GPR149: variants seen among roughly 807,000 people sequenced by gnomAD.
GPR149 encodes G protein-coupled receptor 149, also known as probable G protein-coupled receptor 149.
GPR149 carries 50 observed loss-of-function variants against 50.2 expected under a neutral mutation model. The observed-to-expected ratio is 1.00, with a 90% confidence interval of 0.79 to 1.26. The LOEUF is 1.26. GPR149 is among the 50% of genes most tolerant of loss of function. GPR149 has a pLI of 0.00. For missense variants in GPR149, 983 were observed against 895.4 expected (o/e 1.10, Z -1.25); for synonymous variants, 405 against 358.2 (o/e 1.13, Z -1.48).
intron 3 of GPR149, among the ~76,000 whole-genome samples, chr3:154,390,461 T>C (rs1344409824): frequency 6.6e-6 from 1 of 151,400 alleles, no homozygotes; most frequent in East Asian, 1.9e-4. Context: ...AACAGCAGAC[T>C]AGATCAAACA....
At chr3:154,414,672 C>A (rs1229607895) in intron 3 of GPR149, among the ~76,000 whole-genome samples, 1 of 151,962 alleles carries the variant, frequency 6.6e-6, no homozygotes, top group African/African-American at 2.4e-5. Context: ...CATCATGTAC[C>A]TTTTGAGATG....
intron 3 of GPR149, among the ~76,000 whole-genome samples, chr3:154,403,109 T>C (rs1711590321): frequency 6.6e-6 from 1 of 152,200 alleles, no homozygotes; most frequent in Non-Finnish European, 1.5e-5. Flanking sequence ...CTTCTGTCTT[T>C]GGCCCTGTCT....
Position 154,410,159 on chromosome 3 carries a change from T to C in GPR149, c.1623+10880A>G, listed in dbSNP as rs182317754. Among the ~76,000 whole-genome samples, 324 of 152,166 alleles carry C rather than the reference T, an allele frequency of 2.1e-3. 1 individual carries two copies. The highest frequency in any genetic ancestry group is 7.2e-3 in the African/African-American group (297 of 41,508). On this transcript the variant is annotated intron_variant, in intron 3 of 3. Transcript: ENST00000389740. ...CCTCATAAATGAAGGAAAGACACAG[T>C]TTTTTTCAGACAAACAAATGCTGAG...
intron 3 of GPR149, among the ~76,000 whole-genome samples, chr3:154,415,479 T>A (rs1023178570): frequency 6.6e-6 from 1 of 151,942 alleles, no homozygotes; most frequent in African/African-American, 2.4e-5. Context: ...TGGATGAATT[T>A]TCAGCCACAC....
rs1352248660 is a variant in GPR149, at chr3:154,338,223, C to T, written c.1672G>A (p.Val558Met). 1 of 1,611,534 alleles carries T rather than the reference C, an allele frequency of 6.2e-7. No individual in the cohort carries two copies. The highest frequency in any genetic ancestry group is 1.7e-5 in the Admixed American group (1 of 59,534). The part of the protein sequence containing the change: ...AIPLCAFQGT[V>M]SLHAPTGKTL... ...TTCCCTGTAGGTGCATGGAGAGACA[C>T]AGTCCCCTGGAATGCACACAAGGGA... Residue 558 changes from valine to methionine, a missense_variant, in exon 4 of 4, where the codon GTG becomes ATG. By Grantham distance (21) the Val-to-Met change is conservative. Transcript: ENST00000389740.
At chr3:154,364,668 T>C (rs554242835) in intron 3 of GPR149, among the ~76,000 whole-genome samples, 2 of 152,206 alleles carry the variant, frequency 1.3e-5, no homozygotes, top group African/African-American at 4.8e-5. Context: ...GAAAACAACG[T>C]TGAATATCAA....
chr3:154,403,534 T>C (rs1371874644), intron 3 of GPR149, among the ~76,000 whole-genome samples: 1 of 152,178 alleles, frequency 6.6e-6, no homozygotes, highest in Non-Finnish European at 1.5e-5. Flanking sequence ...TGAAAGCATA[T>C]ATAGCTTTGT....
At chr3:154,395,833 T>G (rs539563954) in intron 3 of GPR149, among the ~76,000 whole-genome samples, 1 of 152,164 alleles carries the variant, frequency 6.6e-6, no homozygotes, top group Admixed American at 6.5e-5. Flanking sequence ...AAACCAAATG[T>G]GATTTCTTTA....
At chr3:154,368,058 G>A (rs952534570) in intron 3 of GPR149, among the ~76,000 whole-genome samples, 6 of 152,192 alleles carry the variant, frequency 3.9e-5, no homozygotes, top group African/African-American at 1.2e-4. Context: ...TTTGGACCCA[G>A]TTCCTACTCT....
At chr3:154,413,700 TTGG>T (rs1711905751) in intron 3 of GPR149, among the ~76,000 whole-genome samples, 1 of 151,866 alleles carries the variant, frequency 6.6e-6, no homozygotes, top group African/African-American at 2.4e-5. Flanking sequence ...TTTTACACTG[TTGG>T]TGGTAATGTA....
intron 3 of GPR149, among the ~76,000 whole-genome samples, chr3:154,389,312 A>G (rs1197976123): frequency 2.0e-5 from 3 of 152,056 alleles, no homozygotes; most frequent in Non-Finnish European, 4.4e-5. Context: ...TGTAAAACCA[A>G]CTACATGAAA....
At chr3:154,420,075 A>G (rs1712093996) in intron 3 of GPR149, among the ~76,000 whole-genome samples, 1 of 151,996 alleles carries the variant, frequency 6.6e-6, no homozygotes, top group East Asian at 1.9e-4. Context: ...GAAAATCTCA[A>G]ATTATTCTGC....
At position 154,423,507 on chromosome 3, in the gene GPR149, A is replaced by G. The variant is rs142327478; in HGVS notation, c.1175-2020T>C. 2.3e-3 allele frequency among the ~76,000 whole-genome samples: 353 copies of G among 152,032 alleles called. 2 individuals are homozygous for G. Among genetic ancestry groups the G allele is most frequent in the African/African-American group, 7.8e-3 (324 of 41,560 alleles). On this transcript the variant is annotated intron_variant, in intron 2 of 3. Coordinates refer to ENST00000389740, the MANE Select transcript of GPR149 (RefSeq NM_001038705.3). ...GGAAATACAGTAATTATGAAGTGTA[A>G]TCAATGGAAACATTTCTTGTTAGTG...
chr3:154,407,860 A>T (rs2108421823), intron 3 of GPR149, among the ~76,000 whole-genome samples: 1 of 151,934 alleles, frequency 6.6e-6, no homozygotes, highest in Middle Eastern at 3.4e-3. Flanking sequence ...CCTTGGAAAA[A>T]CTCTTGATTC....
intron 3 of GPR149, among the ~76,000 whole-genome samples, chr3:154,374,538 C>T (rs1280829629): frequency 1.3e-5 from 2 of 151,946 alleles, no homozygotes; most frequent in Non-Finnish European, 2.9e-5. Flanking sequence ...GCTCTCTAGT[C>T]CCTCACAATA....
chr3:154,350,831 T>A (rs1714060157), intron 3 of GPR149, among the ~76,000 whole-genome samples: 1 of 152,182 alleles, frequency 6.6e-6, no homozygotes, highest in Non-Finnish European at 1.5e-5. Context: ...TTAAGTCCCT[T>A]ATATAAAATG....
Position 154,429,555 on chromosome 3 carries a change from T to C in GPR149, c.61A>G (p.Asn21Asp). The part of the protein sequence containing the change: ...NDSSLWKENH[N>D]STDLLNPPGT... The stretch of plus-strand genomic sequence containing the variant: ...GGCGGATTTAAAAGGTCCGTAGAAT[T>C]ATGATTCTCTTTCCACAGGCTAGAG... Residue 21 changes from asparagine (N) to aspartate (D), a missense_variant, in exon 1 of 4, where the codon AAT becomes GAT. By Grantham distance (23) the Asn-to-Asp change is conservative. Transcript: ENST00000389740. 3.1e-6 allele frequency: 5 copies of C among 1,613,762 alleles called. No homozygotes were observed. The highest frequency in any genetic ancestry group is 4.2e-6 in the Non-Finnish European group (5 of 1,179,614).
intron 3 of GPR149, among the ~76,000 whole-genome samples, chr3:154,350,168 C>T (rs1391511287): frequency 1.3e-5 from 2 of 151,836 alleles, no homozygotes; most frequent in Non-Finnish European, 2.9e-5. Flanking sequence ...CTGCACCCAG[C>T]CTCAGTGACA....
At chr3:154,391,574 G>A (rs1715170039) in intron 3 of GPR149, among the ~76,000 whole-genome samples, 1 of 151,460 alleles carries the variant, frequency 6.6e-6, no homozygotes, top group Non-Finnish European at 1.5e-5. Context: ...CATGGCTATA[G>A]TAAGTACTCG....
Sources: allele counts gnomAD v4.1 joint callset (sites outside exome capture counted in the v4.1 genomes callset), GRCh38; gene constraint gnomAD v4.1.1; transcripts MANE v1.5; gene names NCBI Gene and HGNC (gene_info 2026-07-23, HGNC 2026-07-21).